The following ADCY2 variants were observed in gnomAD, a reference collection of about 807,000 sequenced individuals.
The protein encoded by ADCY2 is adenylate cyclase type 2.
ADCY2 carries 31 observed loss-of-function variants against 125.2 expected under a neutral mutation model. That is an observed-to-expected ratio of 0.25 (90% CI 0.19 to 0.33). ADCY2 has a LOEUF of 0.33. Among genes scored for constraint, ADCY2 ranks in the 10% least tolerant of loss-of-function variants. The pLI, the probability that ADCY2 is intolerant of heterozygous loss-of-function variation, is 1.00. For missense variants in ADCY2, 904 were observed against 1,418.2 expected, an observed-to-expected ratio of 0.64 and a Z score of 5.82; for synonymous variants, 512 against 548.4, an observed-to-expected ratio of 0.93 and a Z score of 0.93.
intron 4 of ADCY2, among the ~76,000 whole-genome samples, chr5:7,640,097 G>T (rs1452927954): frequency 6.6e-6 from 1 of 152,208 alleles, no homozygotes; most frequent in African/African-American, 2.4e-5. Context: ...GAGGGATACA[G>T]TTGTGACGAC....
chr5:7,826,915 G>T lies in ADCY2; in HGVS notation c.*44G>T. 3.8e-6 allele frequency: 6 copies of T among 1,565,690 alleles called. No individual in the cohort carries two copies. The highest frequency in any genetic ancestry group is 4.3e-6 in the Non-Finnish European group (5 of 1,158,404). Reference sequence around the variant, plus strand: ...GCAAGAAGACTGTATTTTCAGGAAGGTATCACACACTTTCTGACTGCAACT... The same window carrying T: ...GCAAGAAGACTGTATTTTCAGGAAGTTATCACACACTTTCTGACTGCAACT... On this transcript the variant is annotated 3_prime_UTR_variant, in exon 25 of 25. Transcript: ENST00000338316.
intron 2 of ADCY2, among the ~76,000 whole-genome samples, chr5:7,518,028 G>A (rs1330597900): frequency 1.3e-5 from 2 of 152,032 alleles, no homozygotes; most frequent in African/African-American, 4.8e-5. Context: ...TATCTTAATC[G>A]AACATACTTT....
In ADCY2 at chr5:7,709,325, C is replaced by G. The variant is rs1741366258; in HGVS notation, c.1516C>G (p.Pro506Ala). 6.2e-7 allele frequency: 1 copy of G among 1,613,414 alleles called. No homozygotes were observed. The part of the protein sequence containing the change: ...RYLESWGAAK[P>A]FAHLHHRDSM... ...CTTGGAGTCCTGGGGGGCAGCCAAG[C>G]CCTTTGCACACCTACATCACAGGGA... Residue 506 changes from proline (P) to alanine (A), a missense_variant, in exon 10 of 25, where the codon CCC becomes GCC. Physicochemically the swap from Pro to Ala is conservative, Grantham distance 27. Around this residue, in one of 7 missense-constraint regions of ADCY2, gnomAD observed 144 missense variants for 227.7 expected, o/e 0.63. Transcript: ENST00000338316. The surrounding 1 kb of genome is among the most constrained non-coding windows in gnomAD (Gnocchi z 4.4).
chr5:7,764,697 A>G (rs1001342851), intron 16 of ADCY2, among the ~76,000 whole-genome samples: 5 of 152,218 alleles, frequency 3.3e-5, no homozygotes, highest in African/African-American at 1.2e-4. Flanking sequence ...GTGACAAAGG[A>G]TGTGGAAAAT....
intron 14 of ADCY2, among the ~76,000 whole-genome samples, chr5:7,734,753 T>A (rs1406517734): frequency 6.6e-6 from 1 of 152,172 alleles, no homozygotes; most frequent in Non-Finnish European, 1.5e-5. Context: ...TTCCCTGGTG[T>A]CTTAGTCCAT....
intron 2 of ADCY2, among the ~76,000 whole-genome samples, chr5:7,437,496 T>C (rs1280875153): frequency 6.6e-6 from 1 of 152,240 alleles, no homozygotes; most frequent in Non-Finnish European, 1.5e-5. Context: ...AAGACCCTGG[T>C]CAGGGAAACC....
Position 7,615,241 on chromosome 5 carries a change from A to T in ADCY2, c.571-10926A>T, listed in dbSNP as rs548869800. 3.2e-3 allele frequency among the ~76,000 whole-genome samples: 487 copies of T among 152,226 alleles called. 4 individuals are homozygous for T. The highest frequency in any genetic ancestry group is 0.011 in the African/African-American group (471 of 41,540). ...AATTCAACATGAGATTTGTGTGGGG[A>T]CACAAATCCAGACCATATCACTCCC... On this transcript the variant is annotated intron_variant, in intron 3 of 24. Transcript: ENST00000338316.
rs534028115 is a variant in ADCY2, at chr5:7,477,530, G to A, written c.409-43208G>A. ...CACATAGCAGGTGCCAGAAAAGACA[G>A]CACCTGAGAGGAAATCTCTAAGCTT... On this transcript the variant is annotated intron_variant, in intron 2 of 24. Transcript: ENST00000338316. Among the ~76,000 whole-genome samples, 3 of 151,830 alleles carry A rather than the reference G, an allele frequency of 2.0e-5. No homozygotes were observed. The South Asian group carries it at 6.2e-4, about 31-fold the overall frequency.
chr5:7,638,232 C>T (rs1012992148), intron 4 of ADCY2, among the ~76,000 whole-genome samples: 6 of 152,134 alleles, frequency 3.9e-5, no homozygotes, highest in African/African-American at 1.2e-4. Context: ...TCTGGCTCCT[C>T]GTGAGGCAGA....
intron 2 of ADCY2, among the ~76,000 whole-genome samples, chr5:7,487,763 G>A (rs1417930226): frequency 6.6e-6 from 1 of 152,158 alleles, no homozygotes; most frequent in Non-Finnish European, 1.5e-5. Flanking sequence ...TTCCACTTTT[G>A]ATGAGAATAA....
In ADCY2 at chr5:7,660,722, C is replaced by T. The variant is rs543568769; in HGVS notation, c.721-29969C>T. ...CTTCAGTTGATTGGATGAGTCCCAA[C>T]CATGTTGTGAAGGGTAATCTGCTTT... On this transcript the variant is annotated intron_variant, in intron 4 of 24. Coordinates refer to ENST00000338316, the MANE Select transcript of ADCY2 (RefSeq NM_020546.3). 5.9e-5 allele frequency among the ~76,000 whole-genome samples: 9 copies of T among 152,178 alleles called. No homozygotes were observed. In the South Asian group the frequency reaches 1.5e-3, roughly 25 times the overall value.
At chr5:7,626,642 C>A (rs550542481) in intron 4 of ADCY2, among the ~76,000 whole-genome samples, 1 of 152,020 alleles carries the variant, frequency 6.6e-6, no homozygotes, top group Non-Finnish European at 1.5e-5. Flanking sequence ...GATCACTTAG[C>A]GAGAGAGGAA....
intron 4 of ADCY2, among the ~76,000 whole-genome samples, chr5:7,639,478 A>G (rs1738620171): frequency 6.6e-6 from 1 of 152,168 alleles, no homozygotes; most frequent in African/African-American, 2.4e-5. Context: ...TTATTTTGTA[A>G]TAATTAGTTA....
chr5:7,509,866 G>A (rs752197866), intron 2 of ADCY2, among the ~76,000 whole-genome samples: 6 of 152,186 alleles, frequency 3.9e-5, no homozygotes, highest in Non-Finnish European at 7.4e-5. Context: ...ATTAAGTAGT[G>A]TAAAGTGAAT....
chr5:7,565,471 T>C (rs1450215036), intron 3 of ADCY2, among the ~76,000 whole-genome samples: 2 of 152,164 alleles, frequency 1.3e-5, no homozygotes, highest in Non-Finnish European at 2.9e-5. Context: ...AGGGAAGAAA[T>C]GAAGCCTCGG....
chr5:7,615,750 A>G (rs556459491), intron 3 of ADCY2, among the ~76,000 whole-genome samples: 1 of 152,222 alleles, frequency 6.6e-6, no homozygotes, highest in African/African-American at 2.4e-5. Flanking sequence ...TCAACATTAG[A>G]TCATGCAGCA....
intron 2 of ADCY2, among the ~76,000 whole-genome samples, chr5:7,441,250 C>A (rs1741002749): frequency 6.6e-6 from 1 of 152,136 alleles, no homozygotes; most frequent in South Asian, 2.1e-4. Flanking sequence ...AAGACTGATA[C>A]ATGGGAGACG....
At position 7,789,834 on chromosome 5, in the gene ADCY2, G is replaced by T; in HGVS notation, c.2628+34G>T. ...AGGGGGGCTGGGGGCTGGGGGAGGG[G>T]GCTGGATGCCATGATGACCTGGGTG... On this transcript the variant is annotated intron_variant, in intron 20 of 24. Coordinates refer to ENST00000338316, the MANE Select transcript of ADCY2 (RefSeq NM_020546.3). 2.1e-6 allele frequency: 3 copies of T among 1,441,552 alleles called. 1 individual carries two copies. Among genetic ancestry groups the T allele is most frequent in the Non-Finnish European group, 2.8e-6 (3 of 1,082,736 alleles). 89.3% of individuals were successfully genotyped at this position (1,441,552 alleles called of 1,614,324 possible).
chr5:7,722,982 A>AAAAAAAAAAAAAAAAG (rs1278747504), intron 12 of ADCY2, among the ~76,000 whole-genome samples: 2 of 148,668 alleles, frequency 1.3e-5, no homozygotes, highest in Non-Finnish European at 3.0e-5. Context: ...AAAAAAAAAA[A>AAAAAAAAAAAAAAAAG]AAAAGCATGT....
Sources: allele counts gnomAD v4.1 joint callset (sites outside exome capture counted in the v4.1 genomes callset), GRCh38; gene constraint gnomAD v4.1.1; regional missense constraint gnomAD v4.1.1; non-coding constraint Gnocchi (gnomAD v3.1); transcripts MANE v1.5; gene names NCBI Gene and HGNC (gene_info 2026-07-23, HGNC 2026-07-21).